Variants in VPS13A observed in about 807,000 individuals in gnomAD.
VPS13A encodes the protein vacuolar protein sorting 13 homolog A, also known as intermembrane lipid transfer protein VPS13A.
A neutral mutation model predicts 390.9 loss-of-function variants in VPS13A; 264 were observed. The ratio of observed to expected loss-of-function variants is 0.68; its 90% CI spans 0.61 to 0.75. The LOEUF (loss-of-function observed/expected upper bound fraction) is 0.75, where lower values mean the gene tolerates loss of function less well. Among genes scored for constraint, VPS13A ranks in the 30% least tolerant of loss-of-function variants. The probability of loss-of-function intolerance (pLI) is 0.00; values close to 1 mark genes in which losing one functional copy is unlikely to be tolerated. For synonymous variants in VPS13A, 1,231 were observed against 1,227.1 expected (o/e 1.00, Z -0.07); for missense variants, 3,409 against 3,733.9 (o/e 0.91, Z 2.27).
Position 77,205,297 on chromosome 9 carries a change from TC to T in VPS13A, c.188-13del. The T allele has an allele frequency of 2.2e-6, 3 of 1,367,040 alleles. No individual in the cohort carries two copies. The highest frequency in any genetic ancestry group is 3.0e-6 in the Non-Finnish European group (3 of 995,116). The allele number at this position is 1,367,040 out of a possible 1,614,324, so 84.7% of individuals were successfully genotyped here. On this transcript the variant is annotated splice_polypyrimidine_tract_variant and intron_variant, in intron 3 of 71. Coordinates refer to ENST00000360280, the MANE Select transcript of VPS13A (RefSeq NM_033305.3). ...TAATATTTTTTGTCCTTTTTTTTTT[TC>T]CCAAAAAAATGTAGGTAATCTTAAA... is the stretch of plus-strand genomic sequence containing the variant.
At chr9:77,222,378 T>C (rs12375623) in intron 13 of VPS13A, among the ~76,000 whole-genome samples, 38,081 of 152,094 alleles carry the variant, frequency 0.25, 5,893 homozygotes, top group South Asian at 0.42. Context: ...TTCTCAAAAG[T>C]AATTATGGGT....
At chr9:77,390,074 A>G in intron 68 of VPS13A, 1 of 985,432 alleles carries the variant, frequency 1.0e-6, no homozygotes, top group Non-Finnish European at 1.2e-6. Flanking sequence ...TCTGGAAGAA[A>G]GGTCTTACTA....
intron 42 of VPS13A, 85 bp from the exon 43 acceptor site, chr9:77,321,084 C>G: frequency 8.1e-7 from 1 of 1,239,220 alleles, no homozygotes; most frequent in South Asian, 1.3e-5. Flanking sequence ...AATGTACTGA[C>G]CTTTCTAATG....
intron 71 of VPS13A, among the ~76,000 whole-genome samples, chr9:77,412,227 C>T (rs1478144665): frequency 6.6e-6 from 1 of 152,286 alleles, no homozygotes; most frequent in East Asian, 1.9e-4. Flanking sequence ...AGAGGGAATC[C>T]TCCCTAACTC....
intron 53 of VPS13A, 73 bp downstream of exon 53, chr9:77,351,519 C>T: frequency 6.4e-7 from 1 of 1,568,332 alleles, no homozygotes; most frequent in South Asian, 1.1e-5. Flanking sequence ...TGCGGTGGCT[C>T]ACGCCTGTAA....
intron 69 of VPS13A, among the ~76,000 whole-genome samples, 159 bp from the exon 70 acceptor site, chr9:77,405,705 C>A (rs1298455114): frequency 6.6e-6 from 1 of 152,156 alleles, no homozygotes; most frequent in Non-Finnish European, 1.5e-5. Context: ...TGAGGACACA[C>A]TTTATGGTTC....
chr9:77,336,713 T>C (rs1268650381), intron 46 of VPS13A, among the ~76,000 whole-genome samples: 2 of 152,024 alleles, frequency 1.3e-5, no homozygotes, highest in South Asian at 2.1e-4. Flanking sequence ...ACTTTTAAGA[T>C]AGTAAGTTTG....
At chr9:77,213,094 T>C (rs1045643238) in intron 8 of VPS13A, 66 bp downstream of exon 8, 78 of 1,577,948 alleles carry the variant, frequency 4.9e-5, no homozygotes, top group Non-Finnish European at 6.7e-5. Flanking sequence ...AATGATAATA[T>C]ATAGATAAGG....
At chr9:77,255,106 G>C (rs1305560188) in intron 22 of VPS13A, among the ~76,000 whole-genome samples, 1 of 152,050 alleles carries the variant, frequency 6.6e-6, no homozygotes, top group South Asian at 2.1e-4. Context: ...TTTCACCATT[G>C]AGTATGATGT....
At chr9:77,265,223 T>C (rs561559598) in intron 23 of VPS13A, among the ~76,000 whole-genome samples, 74 of 152,342 alleles carry the variant, frequency 4.9e-4, no homozygotes, top group Non-Finnish European at 9.1e-4. Flanking sequence ...GATTTTCACA[T>C]TGACGTTCAT....
intron 13 of VPS13A, among the ~76,000 whole-genome samples, chr9:77,224,414 G>C (rs1823393355): frequency 6.6e-6 from 1 of 152,158 alleles, no homozygotes; most frequent in Non-Finnish European, 1.5e-5. Flanking sequence ...CATTCTATAT[G>C]CCATTAAGAA....
Position 77,230,662 on chromosome 9 carries a change from G to T in VPS13A, c.1595+2398G>T, listed in dbSNP as rs573183662. On this transcript the variant is annotated intron_variant, in intron 17 of 71. Coordinates refer to ENST00000360280, the MANE Select transcript of VPS13A (RefSeq NM_033305.3). ...AGTAGAACTTGTAATCAGGAAGTAT[G>T]ACTCTTCCAGTTTTGTTTTTTTGTT... 9.2e-5 allele frequency among the ~76,000 whole-genome samples: 14 copies of T among 152,116 alleles called. No homozygotes were observed. The South Asian group carries it at 2.3e-3, about 25-fold the overall frequency.
intron 68 of VPS13A, among the ~76,000 whole-genome samples, chr9:77,392,653 A>G (rs1443039634): frequency 6.6e-6 from 1 of 152,066 alleles, no homozygotes; most frequent in African/African-American, 2.4e-5. Context: ...TTTGTTCTCC[A>G]GTGCATATAA....
Position 77,177,652 on chromosome 9 carries a change from G to T in VPS13A, c.-53G>T. 6.5e-7 allele frequency: 1 copy of T among 1,539,818 alleles called. No homozygotes were observed. The highest frequency in any genetic ancestry group is 8.9e-7 in the Non-Finnish European group (1 of 1,118,938). ...CTCGAGGGAGGGGCGTGGGGAAGGCGGCGGGAGGAGGAGCGCACGGGCCGG... is the reference window on the plus strand; with the variant it reads ...CTCGAGGGAGGGGCGTGGGGAAGGCTGCGGGAGGAGGAGCGCACGGGCCGG... On this transcript the variant is annotated 5_prime_UTR_variant, in exon 1 of 72. Coordinates refer to ENST00000360280, the MANE Select transcript of VPS13A (RefSeq NM_033305.3).
At chr9:77,400,987 T>C (rs546006985) in intron 68 of VPS13A, among the ~76,000 whole-genome samples, 2 of 152,306 alleles carry the variant, frequency 1.3e-5, no homozygotes, top group South Asian at 2.1e-4. Flanking sequence ...TATTTGATAA[T>C]ACATGTGTTT....
intron 68 of VPS13A, among the ~76,000 whole-genome samples, chr9:77,399,167 T>TAAAAAAAAAAAAAAAA (rs763173093): frequency 1.2e-5 from 1 of 86,060 alleles, no homozygotes; most frequent in African/African-American, 4.1e-5. Flanking sequence ...TAGAGTATAA[T>TAAAAAAAAAAAAAAAA]AAAAAAAAAA....
chr9:77,319,257 A>G (rs963042444), intron 41 of VPS13A, among the ~76,000 whole-genome samples: 2 of 151,416 alleles, frequency 1.3e-5, no homozygotes, highest in Admixed American at 6.6e-5. Flanking sequence ...TTAAGGATAT[A>G]GACAGAATTT....
intron 40 of VPS13A, 40 bp downstream of exon 40, chr9:77,317,738 A>C: frequency 6.9e-7 from 1 of 1,444,000 alleles, no homozygotes; most frequent in Non-Finnish European, 9.5e-7. Context: ...TAGTGCACTT[A>C]AAAAAAGTAG....
At chr9:77,277,207 A>C (rs925767234) in intron 26 of VPS13A, among the ~76,000 whole-genome samples, 2 of 152,206 alleles carry the variant, frequency 1.3e-5, no homozygotes, top group African/African-American at 4.8e-5. Flanking sequence ...TCATTTTATT[A>C]AACTCCTTTG....
Sources: gnomAD v4.1 joint callset for allele counts (sites outside exome capture counted in the v4.1 genomes callset) on GRCh38, gnomAD v4.1.1 for gene constraint, MANE v1.5 for transcripts, NCBI Gene and HGNC (gene_info 2026-07-23, HGNC 2026-07-21) for gene names.